The following EYS variants were observed in gnomAD, a reference collection of about 807,000 sequenced individuals.
EYS encodes the protein EGF-like photoreceptor maintenance factor.
Under a neutral mutation model 282.1 loss-of-function variants are expected in EYS, and 250 were observed. That is an observed-to-expected ratio of 0.89 (90% confidence interval 0.80 to 0.98). The LOEUF (loss-of-function observed/expected upper bound fraction) is 0.98, where lower values mean the gene tolerates loss of function less well. EYS is among the 50% of genes least tolerant of loss of function. The probability of loss-of-function intolerance (pLI) is 0.00; values close to 1 mark genes in which losing one functional copy is unlikely to be tolerated. For missense variants in EYS, 4,016 were observed against 3,709.0 expected (o/e 1.08, Z -2.15); for synonymous variants, 1,355 against 1,282.9 (o/e 1.06, Z -1.20).
At chr6:64,821,771 G>A (rs1472412928) in intron 20 of EYS, 48 bp from the exon 21 acceptor site, 3 of 1,120,828 alleles carry the variant, frequency 2.7e-6, no homozygotes, top group Non-Finnish European at 3.9e-6. Flanking sequence ...AGATGTTAAA[G>A]CATAACTTCA....
intron 26 of EYS, among the ~76,000 whole-genome samples, chr6:64,458,767 C>A (rs958014984): frequency 6.6e-6 from 1 of 151,866 alleles, no homozygotes; most frequent in African/African-American, 2.4e-5. Context: ...CTTGTTCCAC[C>A]CCTCCATGGA....
intron 22 of EYS, among the ~76,000 whole-genome samples, chr6:64,754,613 T>C (rs1760580383): frequency 2.0e-5 from 3 of 152,082 alleles, no homozygotes; most frequent in Non-Finnish European, 4.4e-5. Flanking sequence ...CCAATTTCAA[T>C]AGAACATTAT....
chr6:64,439,303 A>G lies in EYS; in HGVS notation c.5694T>C (p.Asn1898=), dbSNP rs981456641. 3.9e-6 allele frequency: 6 copies of G among 1,519,242 alleles called. No individual in the cohort carries two copies. Among genetic ancestry groups the G allele is most frequent in the Non-Finnish European group, 5.3e-6 (6 of 1,134,862 alleles). The allele number at this position is 1,519,242 out of a possible 1,614,324, so 94.1% of individuals were successfully genotyped here. A position where few individuals can be genotyped will look rare whatever the true frequency, so the allele number is the denominator to read the frequency against. The change falls in exon 27 of 43, where the codon AAT becomes AAC. Residue 1898 remains asparagine (N), a synonymous_variant. Coordinates refer to ENST00000503581, the MANE Select transcript of EYS (RefSeq NM_001142800.2). The part of the protein sequence containing the change: ...YYGDSYLEFQ[N]VALNPQNNIS... ...TGTTATTTTGTGGATTTAAAGCCAC[A>G]TTCTGAAATTCTAGATAAGAATCTC...
chr6:65,288,311 G>A (rs1400449179), intron 12 of EYS, among the ~76,000 whole-genome samples: 3 of 150,550 alleles, frequency 2.0e-5, no homozygotes, highest in African/African-American at 7.3e-5. Context: ...AAAAATATGG[G>A]AAATATTTGG....
intron 2 of EYS, among the ~76,000 whole-genome samples, chr6:65,500,071 A>G (rs1766394031): frequency 6.6e-6 from 1 of 152,058 alleles, no homozygotes; most frequent in Non-Finnish European, 1.5e-5. Flanking sequence ...GGACTTGCCC[A>G]AGCTCACACA....
intron 41 of EYS, among the ~76,000 whole-genome samples, chr6:63,754,846 C>G (rs1769436804): frequency 6.6e-6 from 1 of 152,170 alleles, no homozygotes; most frequent in Admixed American, 6.5e-5. Context: ...TCCTCTCCAG[C>G]ACCTGTTGTT....
intron 19 of EYS, among the ~76,000 whole-genome samples, chr6:64,858,582 T>C (rs1766141225): frequency 6.6e-6 from 1 of 152,146 alleles, no homozygotes; most frequent in South Asian, 2.1e-4. Flanking sequence ...CTATTCAGGG[T>C]ATTTTGTAGT....
At chr6:65,231,698 T>C (rs1055475593) in intron 12 of EYS, among the ~76,000 whole-genome samples, 1 of 151,948 alleles carries the variant, frequency 6.6e-6, no homozygotes, top group African/African-American at 2.4e-5. Flanking sequence ...GAAACATTGA[T>C]AGATATCCTC....
At chr6:64,579,525 A>G (rs146995145) in intron 26 of EYS, among the ~76,000 whole-genome samples, 1 of 152,174 alleles carries the variant, frequency 6.6e-6, no homozygotes, top group Non-Finnish European at 1.5e-5. Context: ...GAAACCAGGA[A>G]TTTTTGTCCT....
chr6:63,979,346 G>T (rs972368176), intron 35 of EYS, among the ~76,000 whole-genome samples: 1 of 151,858 alleles, frequency 6.6e-6, no homozygotes, highest in African/African-American at 2.4e-5. Context: ...GGAACATGGA[G>T]GATAGCACTG....
At chr6:64,661,983 C>A (rs1451601056) in intron 22 of EYS, among the ~76,000 whole-genome samples, 3 of 151,656 alleles carry the variant, frequency 2.0e-5, no homozygotes, top group Non-Finnish European at 4.4e-5. Flanking sequence ...GGAACCAACC[C>A]AAATGTCCAA....
intron 5 of EYS, among the ~76,000 whole-genome samples, chr6:65,474,278 G>T (rs1433042209): frequency 1.3e-5 from 2 of 152,092 alleles, no homozygotes; most frequent in Non-Finnish European, 2.9e-5. Context: ...GTACATGGTA[G>T]AATGCATAGC....
intron 26 of EYS, among the ~76,000 whole-genome samples, chr6:64,463,901 T>C (rs949833230): frequency 2.0e-5 from 3 of 152,162 alleles, no homozygotes; most frequent in Admixed American, 1.3e-4. Flanking sequence ...TCCCAAAATA[T>C]TAAAGAGGAG....
At chr6:63,825,751 C>T (rs551456164) in intron 36 of EYS, among the ~76,000 whole-genome samples, 17 of 152,144 alleles carry the variant, frequency 1.1e-4, no homozygotes, top group South Asian at 4.1e-4. Context: ...CAACAGCCTT[C>T]GGCCCTAGAC....
chr6:65,529,440 A>C (rs1487436833), intron 2 of EYS, among the ~76,000 whole-genome samples: 3 of 152,218 alleles, frequency 2.0e-5, no homozygotes, highest in Non-Finnish European at 4.4e-5. Context: ...ACAATTCAGA[A>C]GTACAGGAGA....
chr6:64,417,343 A>G (rs548313867), intron 28 of EYS, among the ~76,000 whole-genome samples: 60 of 152,302 alleles, frequency 3.9e-4, no homozygotes, highest in African/African-American at 1.4e-3. Flanking sequence ...GGTAACAGGT[A>G]CAGGGGTTTA....
intron 14 of EYS, among the ~76,000 whole-genome samples, chr6:64,993,791 G>T (rs1771156829): frequency 6.7e-6 from 1 of 149,480 alleles, no homozygotes; most frequent in Admixed American, 6.7e-5. Context: ...GTGGATGAAA[G>T]TAAAGGTAGT....
At chr6:65,332,394 G>T in intron 11 of EYS, 4 of 1,197,112 alleles carry the variant, frequency 3.3e-6, no homozygotes, top group Non-Finnish European at 3.6e-6. Flanking sequence ...AATTTGGTGT[G>T]GTATCACCGT....
intron 22 of EYS, among the ~76,000 whole-genome samples, chr6:64,684,673 T>C (rs573200569): frequency 1.3e-5 from 2 of 152,030 alleles, no homozygotes; most frequent in East Asian, 3.9e-4. Flanking sequence ...GGTAAGGATA[T>C]GGAAATATAG....
Sources: gnomAD v4.1 joint callset for allele counts (sites outside exome capture counted in the v4.1 genomes callset) on GRCh38, gnomAD v4.1.1 for gene constraint, MANE v1.5 for transcripts, NCBI Gene and HGNC (gene_info 2026-07-23, HGNC 2026-07-21) for gene names.